Variants in USP6NL observed in about 807,000 individuals in gnomAD.
USP6NL encodes USP6 N-terminal-like protein.
USP6NL carries 26 observed loss-of-function variants against 61.9 expected under a neutral mutation model. That is an observed-to-expected ratio of 0.42 (90% CI 0.31 to 0.58). The LOEUF is 0.58. Ranked by LOEUF, USP6NL falls within the 20% of genes least tolerant of loss-of-function variation. The probability of loss-of-function intolerance (pLI) is 0.16; values close to 1 mark genes in which losing one functional copy is unlikely to be tolerated. For synonymous variants in USP6NL, 432 were observed against 390.1 expected (o/e 1.11, Z -1.27); for missense variants, 1,114 against 1,034.3 (o/e 1.08, Z -1.06).
chr10:11,599,902 A>G (rs1389509347), intron 1 of USP6NL, among the ~76,000 whole-genome samples: 6 of 151,836 alleles, frequency 4.0e-5, no homozygotes, highest in Non-Finnish European at 7.4e-5. Flanking sequence ...CTCGTGATCC[A>G]CCCACCTCGG....
rs181878878 is a variant in USP6NL at position 11,509,580 on chromosome 10, A to T, written c.276+15T>A. The T allele has an allele frequency of 2.5e-4, 387 of 1,534,114 alleles. No homozygotes were observed. In the East Asian group the frequency reaches 9.3e-3, roughly 37 times the overall value. On this transcript the variant is annotated intron_variant, in intron 6 of 14. Coordinates refer to ENST00000609104, the MANE Select transcript of USP6NL (RefSeq NM_014688.5). ...TTTATATAGTTTCATATGGAAAAAC[A>T]TGATTTTAAATTACCTTTTCAGTGT... is the stretch of plus-strand genomic sequence containing the variant.
chr10:11,562,406 T>A lies in USP6NL; in HGVS notation c.5-34839A>T. On this transcript the variant is annotated intron_variant, in intron 2 of 14. Coordinates refer to ENST00000609104, the MANE Select transcript of USP6NL (RefSeq NM_014688.5). The surrounding 1 kb of genome is among the most constrained non-coding windows in gnomAD (Gnocchi z 4.8). Reference sequence around the variant, plus strand: ...AACTTCAGATTTCCCCTTTTCCTTTTTCTTCTTGCTTGGCTCTTGGACCTA... The same window carrying A: ...AACTTCAGATTTCCCCTTTTCCTTTATCTTCTTGCTTGGCTCTTGGACCTA... 1 of 985,466 alleles carries A rather than the reference T, an allele frequency of 1.0e-6. No homozygotes were observed. Among genetic ancestry groups the A allele is most frequent in the Non-Finnish European group, 1.2e-6 (1 of 829,932 alleles). 61.0% of individuals were successfully genotyped at this position (985,466 alleles called of 1,614,324 possible).
intron 14 of USP6NL, among the ~76,000 whole-genome samples, chr10:11,472,964 A>G (rs532138308): frequency 6.6e-6 from 1 of 152,346 alleles, no homozygotes; most frequent in South Asian, 2.1e-4. Flanking sequence ...TTTGTCTCCT[A>G]GAGTTTCAAT....
At chr10:11,604,724 CA>C (rs1417925597) in intron 1 of USP6NL, among the ~76,000 whole-genome samples, 1 of 152,162 alleles carries the variant, frequency 6.6e-6, no homozygotes, top group Admixed American at 6.5e-5. Flanking sequence ...TTATCTTCAG[CA>C]ATTACAGCAA....
intron 2 of USP6NL, among the ~76,000 whole-genome samples, chr10:11,560,358 A>G (rs554894241): frequency 6.0e-4 from 92 of 152,296 alleles, no homozygotes; most frequent in African/African-American, 2.2e-3. Flanking sequence ...ACAGGACGGC[A>G]CCAAGATTCA....
chr10:11,565,412 C>CGGGTG (rs1837101460), intron 2 of USP6NL: 1 of 152,086 alleles, frequency 6.6e-6, no homozygotes, highest in South Asian at 2.1e-4. Context: ...GAGGCCGAGG[C>CGGGTG]GGGTGGATCA....
intron 2 of USP6NL, among the ~76,000 whole-genome samples, chr10:11,549,164 G>A (rs1233263038): frequency 6.6e-6 from 1 of 152,014 alleles, no homozygotes; most frequent in Admixed American, 6.6e-5. Context: ...AATTTAAATG[G>A]TTTATTATCT....
intron 2 of USP6NL, among the ~76,000 whole-genome samples, chr10:11,550,115 A>C (rs1438368524): frequency 2.6e-5 from 4 of 152,228 alleles, no homozygotes; most frequent in African/African-American, 9.6e-5. Context: ...CCTTTACCTC[A>C]ACAGTATTCA....
At chr10:11,498,528 T>C (rs1337489787) in intron 7 of USP6NL, among the ~76,000 whole-genome samples, 1 of 151,980 alleles carries the variant, frequency 6.6e-6, no homozygotes, top group Non-Finnish European at 1.5e-5. Context: ...AGTTTCCTCA[T>C]GTGTAAGATA....
At chr10:11,559,164 A>C (rs1215621147) in intron 2 of USP6NL, among the ~76,000 whole-genome samples, 1 of 152,212 alleles carries the variant, frequency 6.6e-6, no homozygotes, top group Admixed American at 6.5e-5. Flanking sequence ...CAGGTACTAC[A>C]TATGCAGTAT....
chr10:11,578,101 C>T (rs1039564387), intron 2 of USP6NL, among the ~76,000 whole-genome samples: 2 of 152,018 alleles, frequency 1.3e-5, no homozygotes, highest in Admixed American at 1.3e-4. Flanking sequence ...CTGGGACCAC[C>T]AGCTACTCAG....
At chr10:11,546,441 G>A (rs561491826) in intron 2 of USP6NL, among the ~76,000 whole-genome samples, 11 of 151,628 alleles carry the variant, frequency 7.3e-5, no homozygotes, top group East Asian at 2.0e-4. Flanking sequence ...TTGATCTGTC[G>A]CCCAGGCTGG....
chr10:11,584,411 G>C (rs1837897268), intron 2 of USP6NL, among the ~76,000 whole-genome samples: 1 of 152,146 alleles, frequency 6.6e-6, no homozygotes, highest in African/African-American at 2.4e-5. Flanking sequence ...GATTTTTGTA[G>C]AGATTCCCCC....
chr10:11,521,546 A>T (rs1031504665), intron 4 of USP6NL, among the ~76,000 whole-genome samples: 12 of 151,750 alleles, frequency 7.9e-5, no homozygotes, highest in African/African-American at 2.9e-4. Context: ...ACGCCTGGCT[A>T]ATTTTTTGTA....
chr10:11,545,534 G>A (rs1182907914), intron 2 of USP6NL, among the ~76,000 whole-genome samples: 1 of 152,154 alleles, frequency 6.6e-6, no homozygotes, highest in African/African-American at 2.4e-5. Flanking sequence ...TCTGTAAAAG[G>A]GTCAGCATTT....
Position 11,518,388 on chromosome 10 carries a change from T to G in USP6NL, c.195+147A>C. ...ATTATTTCACCATTAACTATTATCT[T>G]ACAGTGGCATAATGAGGTCCAAAAT... On this transcript the variant is annotated intron_variant, in intron 5 of 14. Transcript: ENST00000609104. The surrounding 1 kb of genome is among the most constrained non-coding windows in gnomAD (Gnocchi z 5.3). The G allele has an allele frequency of 1.4e-6, 1 of 723,464 alleles. No individual in the cohort carries two copies. Among genetic ancestry groups the G allele is most frequent in the South Asian group, 1.7e-5 (1 of 60,570 alleles). The allele number at this position is 723,464 out of a possible 1,614,324, so 44.8% of individuals were successfully genotyped here.
chr10:11,509,275 C>G (rs564064326), intron 6 of USP6NL, among the ~76,000 whole-genome samples: 1 of 152,264 alleles, frequency 6.6e-6, no homozygotes, highest in South Asian at 2.1e-4. Context: ...CAAGATGGGG[C>G]TGACAGTGCA....
At chr10:11,559,918 T>A (rs1464993134) in intron 2 of USP6NL, among the ~76,000 whole-genome samples, 2 of 152,130 alleles carry the variant, frequency 1.3e-5, no homozygotes, top group South Asian at 2.1e-4. Flanking sequence ...TTTAAGGAGT[T>A]AGGTTTGAGT....
intron 5 of USP6NL, among the ~76,000 whole-genome samples, chr10:11,515,434 C>T (rs1447177899): frequency 6.6e-6 from 1 of 152,186 alleles, no homozygotes; most frequent in Non-Finnish European, 1.5e-5. Context: ...ATGATCTCTG[C>T]CCCCAGTTCC....
Sources: allele counts gnomAD v4.1 joint callset (sites outside exome capture counted in the v4.1 genomes callset), GRCh38; gene constraint gnomAD v4.1.1; non-coding constraint Gnocchi (gnomAD v3.1); transcripts MANE v1.5; gene names NCBI Gene and HGNC (gene_info 2026-07-23, HGNC 2026-07-21).